TLX1: variants seen among roughly 807,000 people sequenced by gnomAD.
TLX1 encodes T cell leukemia homeobox 1, also known as T-cell leukemia homeobox protein 1.
Under a neutral mutation model 26.5 loss-of-function variants are expected in TLX1, and 6 were observed. That is an observed-to-expected ratio of 0.23 (90% CI 0.12 to 0.45). The LOEUF is 0.45. Ranked by LOEUF, TLX1 falls within the 20% of genes least tolerant of loss-of-function variation. TLX1 has a pLI of 0.99. For missense variants in TLX1, 418 were observed against 482.6 expected (o/e 0.87, Z 1.25); for synonymous variants, 217 against 219.7 (o/e 0.99, Z 0.11).
chr10:101,137,728 C>A lies in TLX1; in HGVS notation c.*815C>A. ...ACTTATAAGGTGTTTTCTGTGTAAC[C>A]ATTTTATAAAGTGCTTGTGTAATTT... On this transcript the variant is annotated 3_prime_UTR_variant, in exon 3 of 3. Coordinates refer to ENST00000370196, the MANE Select transcript of TLX1 (RefSeq NM_005521.4). 1.3e-5 allele frequency: 3 copies of A among 227,476 alleles called. No individual in the cohort carries two copies. Among genetic ancestry groups the A allele is most frequent in the Non-Finnish European group, 2.6e-5 (3 of 114,164 alleles). The allele number at this position is 227,476 out of a possible 1,614,324, so 14.1% of individuals were successfully genotyped here.
Position 101,131,371 on chromosome 10 carries a change from C to A in TLX1, c.-171C>A, listed in dbSNP as rs1940165100. 2.3e-6 allele frequency: 1 copy of A among 438,028 alleles called. No individual in the cohort carries two copies. The highest frequency in any genetic ancestry group is 3.9e-6 in the Non-Finnish European group (1 of 254,404). The allele number at this position is 438,028 out of a possible 1,614,324, so 27.1% of individuals were successfully genotyped here. ...GAAGCCAGAGAGGGGAAGAATACGG[C>A]GCCCCCTCTCTCCCTCCCCTCCCCC... On this transcript the variant is annotated 5_prime_UTR_variant, in exon 1 of 3. Coordinates refer to ENST00000370196, the MANE Select transcript of TLX1 (RefSeq NM_005521.4).
In TLX1 at chr10:101,131,489, GC is replaced by G; in HGVS notation, c.-51del. The G allele has an allele frequency of 7.3e-7, 1 of 1,365,932 alleles. No individual in the cohort carries two copies. The highest frequency in any genetic ancestry group is 9.5e-7 in the Non-Finnish European group (1 of 1,055,434). The allele number at this position is 1,365,932 out of a possible 1,614,324, so 84.6% of individuals were successfully genotyped here. A position where few individuals can be genotyped will look rare whatever the true frequency, so the allele number is the denominator to read the frequency against. ...CCAGCCCCTGCTAGCTGCCCCCCGA[GC>G]CGAGCGCAGCGAGCGCCGCCGCCCG... On this transcript the variant is annotated 5_prime_UTR_variant, in exon 1 of 3. Coordinates refer to ENST00000370196, the MANE Select transcript of TLX1 (RefSeq NM_005521.4).
Position 101,137,122 on chromosome 10 carries a change from C to T in TLX1, c.*209C>T, listed in dbSNP as rs1380517414. ...AGGGACAAGGACACGCGCCCCCCTCCCAGAGGCGTCCCGCACCTGTCTGAA... is the reference window on the plus strand; with the variant it reads ...AGGGACAAGGACACGCGCCCCCCTCTCAGAGGCGTCCCGCACCTGTCTGAA... On this transcript the variant is annotated 3_prime_UTR_variant, in exon 3 of 3. Coordinates refer to ENST00000370196, the MANE Select transcript of TLX1 (RefSeq NM_005521.4). 1.6e-6 allele frequency: 1 copy of T among 614,822 alleles called. No homozygotes were observed. Among genetic ancestry groups the T allele is most frequent in the Admixed American group, 3.0e-5 (1 of 33,690 alleles). The allele number at this position is 614,822 out of a possible 1,614,324, so 38.1% of individuals were successfully genotyped here.
chr10:101,132,102 G>A lies in TLX1; in HGVS notation c.561G>A (p.Arg187=), dbSNP rs2134301506. The A allele has an allele frequency of 7.2e-7, 1 of 1,390,026 alleles. No homozygotes were observed. The allele number at this position is 1,390,026 out of a possible 1,614,324, so 86.1% of individuals were successfully genotyped here. Reference sequence around the variant, plus strand: ...GTAACCGCAGATACACAAAGGACAGGTTCACAGGTGAGTCCGGCCCGCGCG... The same window carrying A: ...GTAACCGCAGATACACAAAGGACAGATTCACAGGTGAGTCCGGCCCGCGCG... ...MESNRRYTKD[R]FTGHPYQNRT... is the part of the protein sequence containing the mutation. The change falls in exon 1 of 3, where the codon AGG becomes AGA. Residue 187 remains arginine, a synonymous_variant. Coordinates refer to ENST00000370196, the MANE Select transcript of TLX1 (RefSeq NM_005521.4). This position sits in a 1 kb window ranked among gnomAD's most constrained non-coding sequence, Gnocchi z 4.1.
chr10:101,137,009 C>A lies in TLX1; in HGVS notation c.*96C>A. 15 of 1,469,394 alleles carry A rather than the reference C, an allele frequency of 1.0e-5. No homozygotes were observed. The South Asian group carries it at 1.8e-4, about 17-fold the overall frequency. 91.0% of individuals were successfully genotyped at this position (1,469,394 alleles called of 1,614,324 possible). A position where few individuals can be genotyped will look rare whatever the true frequency, so the allele number is the denominator to read the frequency against. ...TCCCCACCCTCCTGGCCTCAGACTG[C>A]ACCCAGGAGGGGAACACTGCCCTCG... On this transcript the variant is annotated 3_prime_UTR_variant, in exon 3 of 3. Transcript: ENST00000370196.
chr10:101,135,855 A>G (rs1940284666), intron 2 of TLX1, among the ~76,000 whole-genome samples: 2 of 152,228 alleles, frequency 1.3e-5, no homozygotes. Context: ...TAAAAGAGAA[A>G]TATTCAGGCC....
Position 101,131,483 on chromosome 10 carries a change from C to T in TLX1, c.-59C>T, listed in dbSNP as rs1940168099. ...TGCCTCCCAGCCCCTGCTAGCTGCCCCCCGAGCCGAGCGCAGCGAGCGCCG... is the reference window on the plus strand; with the variant it reads ...TGCCTCCCAGCCCCTGCTAGCTGCCTCCCGAGCCGAGCGCAGCGAGCGCCG... On this transcript the variant is annotated 5_prime_UTR_variant, in exon 1 of 3. Coordinates refer to ENST00000370196, the MANE Select transcript of TLX1 (RefSeq NM_005521.4). 13 of 1,350,496 alleles carry T rather than the reference C, an allele frequency of 9.6e-6. No homozygotes were observed. Among genetic ancestry groups the T allele is most frequent in the Non-Finnish European group, 1.2e-5 (13 of 1,044,788 alleles). The allele number at this position is 1,350,496 out of a possible 1,614,324, so 83.7% of individuals were successfully genotyped here. A position where few individuals can be genotyped will look rare whatever the true frequency, so the allele number is the denominator to read the frequency against.
rs1940203849 is a variant in TLX1 at position 101,132,617 on chromosome 10, G to GA, written c.568+508_568+509insA. ...CGGTGCCCGTGGTGCTGCGGGGCCAGTGGGGGCTCTGAGCCCCGGTAAATC... is the reference window on the plus strand; with the variant it reads ...CGGTGCCCGTGGTGCTGCGGGGCCAGATGGGGGCTCTGAGCCCCGGTAAATC... On this transcript the variant is annotated intron_variant, in intron 1 of 2. Transcript: ENST00000370196. The surrounding 1 kb of genome is among the most constrained non-coding windows in gnomAD (Gnocchi z 4.1). Among the ~76,000 whole-genome samples, 1 of 146,212 alleles carries GA rather than the reference G, an allele frequency of 6.8e-6. No homozygotes were observed. Among genetic ancestry groups the GA allele is most frequent in the South Asian group, 2.3e-4 (1 of 4,324 alleles).
At chr10:101,134,881 C>A (rs1259622177) in intron 2 of TLX1, among the ~76,000 whole-genome samples, 1 of 152,220 alleles carries the variant, frequency 6.6e-6, no homozygotes, top group Admixed American at 6.5e-5. Flanking sequence ...CCCCAGACAC[C>A]CGGCCTTTGC....
In TLX1 at chr10:101,134,391, C is replaced by T. The variant is rs748247809; in HGVS notation, c.770+15C>T. 25 of 1,538,808 alleles carry T rather than the reference C, an allele frequency of 1.6e-5. No homozygotes were observed. The highest frequency in any genetic ancestry group is 2.0e-5 in the Non-Finnish European group (23 of 1,147,728). On this transcript the variant is annotated intron_variant, in intron 2 of 2. Transcript: ENST00000370196. The stretch of plus-strand genomic sequence containing the variant: ...ACAAAGTGGAGGTGAGCAAGCGGGG[C>T]GGGCCGGCCGCCCGCGAGCGGCGCG...
Position 101,132,341 on chromosome 10 carries a change from G to A in TLX1, c.568+232G>A, listed in dbSNP as rs1940197861. Among the ~76,000 whole-genome samples the A allele has an allele frequency of 6.6e-6, 1 of 152,242 alleles. No homozygotes were observed. The highest frequency in any genetic ancestry group is 1.5e-5 in the Non-Finnish European group (1 of 68,048). On this transcript the variant is annotated intron_variant, in intron 1 of 2. Coordinates refer to ENST00000370196, the MANE Select transcript of TLX1 (RefSeq NM_005521.4). This position sits in a 1 kb window ranked among gnomAD's most constrained non-coding sequence, Gnocchi z 4.1. ...TCCCGAAGGACCCCTGCTCGGAGGA[G>A]CTCTCCCTGGTCCCCTCTCCGGATC...
intron 2 of TLX1, among the ~76,000 whole-genome samples, chr10:101,134,689 T>G (rs1940251775): frequency 6.6e-6 from 1 of 152,222 alleles, no homozygotes; most frequent in African/African-American, 2.4e-5. Context: ...CTCCACGCAG[T>G]CCAGGCTCCA....
In TLX1 at chr10:101,132,390, A is replaced by G. The variant is rs1237881636; in HGVS notation, c.568+281A>G. 6.6e-6 allele frequency among the ~76,000 whole-genome samples: 1 copy of G among 152,164 alleles called. No individual in the cohort carries two copies. Among genetic ancestry groups the G allele is most frequent in the Non-Finnish European group, 1.5e-5 (1 of 68,024 alleles). On this transcript the variant is annotated intron_variant, in intron 1 of 2. Coordinates refer to ENST00000370196, the MANE Select transcript of TLX1 (RefSeq NM_005521.4). The surrounding 1 kb of genome is among the most constrained non-coding windows in gnomAD (Gnocchi z 4.1). ...TCCACTAGCCGGGTCAGGCAGAGAG[A>G]AGGAGGCCATAGATTCAGGACCACC...
Position 101,132,329 on chromosome 10 carries a change from C to G in TLX1, c.568+220C>G, listed in dbSNP as rs751296075. On this transcript the variant is annotated intron_variant, in intron 1 of 2. Transcript: ENST00000370196. The surrounding 1 kb of genome is among the most constrained non-coding windows in gnomAD (Gnocchi z 4.1). ...CCCCTCTCTGTCTCCCGAAGGACCC[C>G]TGCTCGGAGGAGCTCTCCCTGGTCC... Among the ~76,000 whole-genome samples, 2 of 152,246 alleles carry G rather than the reference C, an allele frequency of 1.3e-5. No individual in the cohort carries two copies. Among genetic ancestry groups the G allele is most frequent in the Non-Finnish European group, 2.9e-5 (2 of 68,048 alleles).
chr10:101,137,644 A>G lies in TLX1; in HGVS notation c.*731A>G. The G allele has an allele frequency of 4.3e-6, 1 of 233,752 alleles. No homozygotes were observed. The highest frequency in any genetic ancestry group is 2.2e-5 in the African/African-American group (1 of 45,482). The allele number at this position is 233,752 out of a possible 1,614,324, so 14.5% of individuals were successfully genotyped here. A position where few individuals can be genotyped will look rare whatever the true frequency, so the allele number is the denominator to read the frequency against. On this transcript the variant is annotated 3_prime_UTR_variant, in exon 3 of 3. Transcript: ENST00000370196. ...CAGGTACGCACAGACAGGTTTTCAC[A>G]TAAATGCAGCCCATTTCTCCAGAAC...
chr10:101,134,097 C>G, intron 1 of TLX1, 78 bp from the exon 2 acceptor site: 1 of 1,401,072 alleles, frequency 7.1e-7, no homozygotes, highest in Non-Finnish European at 9.7e-7. Flanking sequence ...CTTCCTGACG[C>G]TCTGCTGCTT....
chr10:101,134,693 G>T (rs1940251960), intron 2 of TLX1, among the ~76,000 whole-genome samples: 1 of 152,268 alleles, frequency 6.6e-6, no homozygotes, highest in African/African-American at 2.4e-5. Context: ...ACGCAGTCCA[G>T]GCTCCAGGGA....
At position 101,132,581 on chromosome 10, in the gene TLX1, G is replaced by T. The variant is rs934083540; in HGVS notation, c.568+472G>T. On this transcript the variant is annotated intron_variant, in intron 1 of 2. Transcript: ENST00000370196. The surrounding 1 kb of genome is among the most constrained non-coding windows in gnomAD (Gnocchi z 4.1). ...AGTCCCCTACACACATGCACTTCGCGCCCCTAGCTCCGGTGCCCGTGGTGC... is the reference window on the plus strand; with the variant it reads ...AGTCCCCTACACACATGCACTTCGCTCCCCTAGCTCCGGTGCCCGTGGTGC... 1.5e-4 allele frequency among the ~76,000 whole-genome samples: 22 copies of T among 151,472 alleles called. No individual in the cohort carries two copies. The highest frequency in any genetic ancestry group is 5.1e-4 in the African/African-American group (21 of 41,190).
chr10:101,131,519 C>A lies in TLX1; in HGVS notation c.-23C>A. On this transcript the variant is annotated 5_prime_UTR_variant, in exon 1 of 3. Transcript: ENST00000370196. The stretch of plus-strand genomic sequence containing the variant: ...GCGCAGCGAGCGCCGCCGCCCGGGC[C>A]CCCCGGTGGGGCCAGGGCCAGCATG... 7.0e-7 allele frequency: 1 copy of A among 1,422,584 alleles called. No homozygotes were observed. Among genetic ancestry groups the A allele is most frequent in the Non-Finnish European group, 9.2e-7 (1 of 1,090,372 alleles). 88.1% of individuals were successfully genotyped at this position (1,422,584 alleles called of 1,614,324 possible). A position where few individuals can be genotyped will look rare whatever the true frequency, so the allele number is the denominator to read the frequency against.
Sources: allele counts gnomAD v4.1 joint callset (sites outside exome capture counted in the v4.1 genomes callset), GRCh38; gene constraint gnomAD v4.1.1; non-coding constraint Gnocchi (gnomAD v3.1); transcripts MANE v1.5; gene names NCBI Gene and HGNC (gene_info 2026-07-23, HGNC 2026-07-21).